DGKB: variants seen among roughly 807,000 people sequenced by gnomAD.
The protein encoded by DGKB is diacylglycerol kinase beta.
Under a neutral mutation model 114.3 loss-of-function variants are expected in DGKB, and 67 were observed. The observed-to-expected ratio is 0.59, with a 90% CI of 0.48 to 0.72. The LOEUF (loss-of-function observed/expected upper bound fraction) is 0.72, where lower values mean the gene tolerates loss of function less well. DGKB is among the 30% of genes least tolerant of loss of function. The pLI is 0.00. For missense variants in DGKB, 907 were observed against 975.2 expected, an observed-to-expected ratio of 0.93 and a Z score of 0.93; for synonymous variants, 398 against 323.1, an observed-to-expected ratio of 1.23 and a Z score of -2.49.
intron 20 of DGKB, among the ~76,000 whole-genome samples, chr7:14,485,752 C>T (rs988567235): frequency 1.3e-5 from 2 of 151,566 alleles, no homozygotes; most frequent in African/African-American, 4.8e-5. Context: ...AATACCCGGG[C>T]ATGGTAGTGG....
At chr7:14,751,379 G>A (rs143357925) in intron 4 of DGKB, among the ~76,000 whole-genome samples, 2 of 152,198 alleles carry the variant, frequency 1.3e-5, no homozygotes, top group East Asian at 3.9e-4. Context: ...ACTAAGGAGA[G>A]TTACTTGTTT....
chr7:14,627,739 C>T (rs1202999887), intron 14 of DGKB, among the ~76,000 whole-genome samples: 3 of 151,774 alleles, frequency 2.0e-5, no homozygotes, highest in Admixed American at 6.6e-5. Context: ...GTCAGGAGTT[C>T]GAGACCAGCC....
At chr7:14,692,595 TACTC>T (rs962629202) in intron 9 of DGKB, among the ~76,000 whole-genome samples, 31 of 151,734 alleles carry the variant, frequency 2.0e-4, no homozygotes, top group African/African-American at 6.3e-4. Flanking sequence ...TATAAAAAAA[TACTC>T]AGTTATGTGT....
intron 17 of DGKB, among the ~76,000 whole-genome samples, chr7:14,587,309 C>A (rs774437966): frequency 7.1e-4 from 108 of 152,016 alleles, no homozygotes; most frequent in Non-Finnish European, 1.0e-3. Context: ...GTGGAGGCTG[C>A]ATGTGACTGA....
intron 25 of DGKB, among the ~76,000 whole-genome samples, chr7:14,160,186 C>T (rs1270417324): frequency 6.6e-6 from 1 of 152,096 alleles, no homozygotes; most frequent in Non-Finnish European, 1.5e-5. Context: ...TGGGCAAAAG[C>T]TGGAAGCATT....
chr7:14,360,303 G>T (rs889598463), intron 21 of DGKB, among the ~76,000 whole-genome samples: 1 of 152,010 alleles, frequency 6.6e-6, no homozygotes, highest in African/African-American at 2.4e-5. Context: ...TCACACACTG[G>T]GGCCTGTCGT....
chr7:14,157,798 A>C (rs1049608858), intron 25 of DGKB, among the ~76,000 whole-genome samples: 1 of 152,190 alleles, frequency 6.6e-6, no homozygotes, highest in Non-Finnish European at 1.5e-5. Context: ...GTAACTGTTC[A>C]TCTTTTCTTA....
intron 15 of DGKB, among the ~76,000 whole-genome samples, chr7:14,620,567 C>G (rs1235262371): frequency 6.0e-5 from 9 of 151,254 alleles, no homozygotes; most frequent in Non-Finnish European, 1.0e-4. Flanking sequence ...GTAAATATTC[C>G]CAGAGAATGT....
At chr7:14,729,086 T>A (rs1830451283) in intron 5 of DGKB, among the ~76,000 whole-genome samples, 2 of 150,998 alleles carry the variant, frequency 1.3e-5, no homozygotes, top group African/African-American at 4.9e-5. Context: ...TATGTCTGCC[T>A]CTCCCCACTA....
intron 5 of DGKB, among the ~76,000 whole-genome samples, chr7:14,721,473 T>C (rs1257858713): frequency 6.6e-6 from 1 of 152,188 alleles, no homozygotes; most frequent in African/African-American, 2.4e-5. Flanking sequence ...TTTCATGAAA[T>C]ATTGTTAACT....
intron 17 of DGKB, among the ~76,000 whole-genome samples, chr7:14,585,522 C>G (rs1173891647): frequency 6.6e-6 from 1 of 152,178 alleles, no homozygotes; most frequent in Non-Finnish European, 1.5e-5. Flanking sequence ...TCTACTTCTA[C>G]TGCTGTGTTA....
intron 20 of DGKB, among the ~76,000 whole-genome samples, chr7:14,524,722 C>T (rs1344823255): frequency 6.8e-6 from 1 of 146,942 alleles, no homozygotes; most frequent in Non-Finnish European, 1.5e-5. Context: ...CACCACTGCA[C>T]TCCAGCATGG....
At chr7:14,795,405 A>T (rs1363718573) in intron 2 of DGKB, among the ~76,000 whole-genome samples, 1 of 152,204 alleles carries the variant, frequency 6.6e-6, no homozygotes, top group Non-Finnish European at 1.5e-5. Context: ...AATGTAGAAG[A>T]AATACAAAGG....
intron 1 of DGKB, among the ~76,000 whole-genome samples, chr7:14,927,715 T>C (rs1481171424): frequency 6.6e-6 from 1 of 151,970 alleles, no homozygotes; most frequent in Non-Finnish European, 1.5e-5. Context: ...ACAATATCTA[T>C]GTTCATAGAA....
chr7:14,671,739 A>G (rs547556985), intron 13 of DGKB, among the ~76,000 whole-genome samples: 5 of 152,248 alleles, frequency 3.3e-5, no homozygotes, highest in Non-Finnish European at 5.9e-5. Flanking sequence ...TCTGAGATCA[A>G]AAATGCATCT....
rs1363380338 is a variant in DGKB, at chr7:14,441,286, C to G, written c.1835+36875G>C. Among the ~76,000 whole-genome samples the G allele has an allele frequency of 2.0e-5, 3 of 152,276 alleles. No homozygotes were observed. In the East Asian group the frequency reaches 5.8e-4, roughly 29 times the overall value. ...CCTCCCGAAGTGCTGGGATTACAGG[C>G]ATGAGCCACCACGCCCGACCCATAT... On this transcript the variant is annotated intron_variant, in intron 21 of 25. Coordinates refer to ENST00000402815, the MANE Select transcript of DGKB (RefSeq NM_001350709.2).
intron 21 of DGKB, among the ~76,000 whole-genome samples, chr7:14,459,061 C>A (rs536295642): frequency 6.6e-6 from 1 of 152,148 alleles, no homozygotes; most frequent in Non-Finnish European, 1.5e-5. Flanking sequence ...GCGGTTTTAC[C>A]CTCACAGTGT....
chr7:14,169,915 A>C (rs995728774), intron 25 of DGKB, among the ~76,000 whole-genome samples: 1 of 152,036 alleles, frequency 6.6e-6, no homozygotes, highest in African/African-American at 2.4e-5. Flanking sequence ...TGGGTGGATC[A>C]CCTGAGGTTG....
intron 20 of DGKB, among the ~76,000 whole-genome samples, chr7:14,514,618 C>T (rs532213278): frequency 6.4e-4 from 97 of 152,242 alleles, no homozygotes; most frequent in African/African-American, 2.3e-3. Flanking sequence ...AGATGCTCAT[C>T]AGAATCACAT....
Sources: allele counts gnomAD v4.1 joint callset (sites outside exome capture counted in the v4.1 genomes callset), GRCh38; gene constraint gnomAD v4.1.1; transcripts MANE v1.5; gene names NCBI Gene and HGNC (gene_info 2026-07-23, HGNC 2026-07-21).